Variants in SOX6 observed in about 807,000 individuals in gnomAD.
The protein encoded by SOX6 is transcription factor SOX-6.
A neutral mutation model predicts 97.8 loss-of-function variants in SOX6; 11 were observed. That is an observed-to-expected ratio of 0.11 (90% CI 0.07 to 0.19). The LOEUF (loss-of-function observed/expected upper bound fraction) is 0.19, where lower values mean the gene tolerates loss of function less well. Among genes scored for constraint, SOX6 ranks in the 10% least tolerant of loss-of-function variants. SOX6 has a pLI of 1.00. For missense variants in SOX6, 810 were observed against 1,039.5 expected (o/e 0.78, Z 3.04); for synonymous variants, 360 against 371.4 (o/e 0.97, Z 0.35).
intron 4 of SOX6, among the ~76,000 whole-genome samples, chr11:16,556,809 GCA>G (rs1188990403): frequency 2.0e-5 from 3 of 151,702 alleles, no homozygotes; most frequent in Non-Finnish European, 4.4e-5. Context: ...AATACGGAAG[GCA>G]CAAATTTTAT....
intron 6 of SOX6, among the ~76,000 whole-genome samples, chr11:16,141,108 C>G (rs2134039042): frequency 6.7e-6 from 1 of 148,946 alleles, no homozygotes; most frequent in African/African-American, 2.5e-5. Context: ...CAAGACTTCA[C>G]CTCAAAAAAA....
chr11:15,995,623 A>G (rs1196229924), intron 13 of SOX6, among the ~76,000 whole-genome samples: 1 of 152,214 alleles, frequency 6.6e-6, no homozygotes, highest in Non-Finnish European at 1.5e-5. Flanking sequence ...AGAAACATCA[A>G]CTAAGAGGTT....
chr11:16,279,138 G>A (rs2134240070), intron 3 of SOX6, among the ~76,000 whole-genome samples: 1 of 152,108 alleles, frequency 6.6e-6, no homozygotes, highest in Admixed American at 6.6e-5. Context: ...AAAGCTTAAT[G>A]TATTTCAGTA....
intron 1 of SOX6, among the ~76,000 whole-genome samples, chr11:16,353,655 C>T (rs1857005063): frequency 6.6e-6 from 1 of 151,996 alleles, no homozygotes; most frequent in South Asian, 2.1e-4. Context: ...TCCAGGAGAA[C>T]ATGAGAATCC....
chr11:16,211,530 A>C (rs1391442311), intron 4 of SOX6, among the ~76,000 whole-genome samples: 1 of 152,156 alleles, frequency 6.6e-6, no homozygotes. Flanking sequence ...TGCTGTATCC[A>C]GGAGACAGTT....
At chr11:16,656,757 C>T (rs181701877) in intron 3 of SOX6, among the ~76,000 whole-genome samples, 21 of 152,004 alleles carry the variant, frequency 1.4e-4, no homozygotes, top group African/African-American at 4.6e-4. Flanking sequence ...TGTATTGTTA[C>T]AAAACTATGA....
At chr11:16,490,717 G>A (rs1470031123) in intron 4 of SOX6, among the ~76,000 whole-genome samples, 1 of 152,088 alleles carries the variant, frequency 6.6e-6, no homozygotes, top group African/African-American at 2.4e-5. Context: ...AGCTAAGCTT[G>A]CCAGAAGTAT....
intron 9 of SOX6, 137 bp downstream of exon 9, chr11:16,095,859 G>T: frequency 9.6e-7 from 1 of 1,037,312 alleles, no homozygotes; most frequent in Non-Finnish European, 1.4e-6. Context: ...GCCTCCTTAG[G>T]AATGAGAAAA....
At chr11:16,316,211 C>A (rs951194023) in intron 3 of SOX6, 1 of 151,500 alleles carries the variant, frequency 6.6e-6, no homozygotes, top group Non-Finnish European at 1.5e-5. Context: ...ATAATAAGAT[C>A]TATTAAATTT....
chr11:16,575,977 C>T (rs1013704567), intron 4 of SOX6, among the ~76,000 whole-genome samples: 1 of 152,076 alleles, frequency 6.6e-6, no homozygotes, highest in Admixed American at 6.6e-5. Context: ...CTCAGAGTTA[C>T]TGTGAATGTA....
At chr11:16,543,448 G>A (rs1205427845) in intron 4 of SOX6, among the ~76,000 whole-genome samples, 1 of 151,170 alleles carries the variant, frequency 6.6e-6, no homozygotes, top group Non-Finnish European at 1.5e-5. Flanking sequence ...TCTCAGTATT[G>A]AAGTCCCCAG....
intron 2 of SOX6, among the ~76,000 whole-genome samples, chr11:16,722,373 C>T (rs1241781547): frequency 6.6e-6 from 1 of 152,168 alleles, no homozygotes; most frequent in Non-Finnish European, 1.5e-5. Context: ...GGGCAATGGG[C>T]CGGGTGCAGT....
chr11:16,126,454 T>C (rs1849616228), intron 6 of SOX6, among the ~76,000 whole-genome samples: 1 of 152,116 alleles, frequency 6.6e-6, no homozygotes, highest in African/African-American at 2.4e-5. Flanking sequence ...AATAGGTCTT[T>C]GTCCAGCTGT....
chr11:16,317,873 C>T (rs965225188), intron 3 of SOX6: 4 of 375,204 alleles, frequency 1.1e-5, no homozygotes, highest in South Asian at 4.2e-5. Flanking sequence ...AGGATGTACA[C>T]GAACCTGAGT....
At chr11:16,051,883 CT>C (rs1393001401) in intron 10 of SOX6, among the ~76,000 whole-genome samples, 1 of 149,350 alleles carries the variant, frequency 6.7e-6, no homozygotes, top group East Asian at 1.9e-4. Context: ...ACTGACCAGT[CT>C]TTTTTCTATG....
intron 6 of SOX6, among the ~76,000 whole-genome samples, chr11:16,150,184 G>A (rs1034291653): frequency 3.9e-5 from 6 of 152,178 alleles, no homozygotes; most frequent in African/African-American, 1.4e-4. Context: ...GATTACAGAA[G>A]TGAGTTAGAG....
At chr11:16,420,734 TGA>T (rs1859005468) in intron 1 of SOX6, among the ~76,000 whole-genome samples, 1 of 152,210 alleles carries the variant, frequency 6.6e-6, no homozygotes, top group African/African-American at 2.4e-5. Flanking sequence ...CTTTTGAATA[TGA>T]GAAAAGTCTA....
intron 1 of SOX6, among the ~76,000 whole-genome samples, chr11:16,447,956 G>A (rs561918452): frequency 1.3e-5 from 2 of 152,296 alleles, no homozygotes; most frequent in South Asian, 2.1e-4. Flanking sequence ...ATCAAGTTGT[G>A]TTAAGTAACC....
intron 12 of SOX6, among the ~76,000 whole-genome samples, chr11:16,027,760 G>A (rs921215159): frequency 1.3e-5 from 2 of 152,112 alleles, no homozygotes; most frequent in African/African-American, 2.4e-5. Context: ...TATGAGAGAG[G>A]GGCACGTGTG....
Sources: gnomAD v4.1 joint callset for allele counts (sites outside exome capture counted in the v4.1 genomes callset) on GRCh38, gnomAD v4.1.1 for gene constraint, MANE v1.5 for transcripts, NCBI Gene and HGNC (gene_info 2026-07-23, HGNC 2026-07-21) for gene names.